Variants in HMCN1 observed in about 807,000 individuals in gnomAD.
The protein encoded by HMCN1 is hemicentin-1.
Under a neutral mutation model 625.9 loss-of-function variants are expected in HMCN1, and 321 were observed. That is an observed-to-expected ratio of 0.51 (90% CI 0.47 to 0.56). The LOEUF (loss-of-function observed/expected upper bound fraction) is 0.56. Ranked by LOEUF, HMCN1 falls within the 20% of genes least tolerant of loss-of-function variation. HMCN1 has a pLI of 0.00. For synonymous variants in HMCN1, 2,425 were observed against 2,417.6 expected (o/e 1.00, Z -0.09); for missense variants, 6,588 against 6,887.3 (o/e 0.96, Z 1.54).
chr1:185,743,259 C>A (rs1654109088), intron 1 of HMCN1, among the ~76,000 whole-genome samples: 1 of 152,264 alleles, frequency 6.6e-6, no homozygotes, highest in South Asian at 2.1e-4. Context: ...GTATTTTTAT[C>A]CTGCCTTTCA....
At chr1:186,043,355 T>C (rs1656335882) in intron 40 of HMCN1, among the ~76,000 whole-genome samples, 1 of 152,116 alleles carries the variant, frequency 6.6e-6, no homozygotes, top group African/African-American at 2.4e-5. Context: ...AAAATACATG[T>C]TTTGGTAATA....
At position 185,994,923 on chromosome 1, in the gene HMCN1, C is replaced by G. The variant is rs1302682748; in HGVS notation, c.3614C>G (p.Ser1205Cys). The change falls in exon 24 of 107, where the codon TCC (serine) becomes TGC (cysteine). Residue 1205 changes from serine to cysteine, a missense_variant. Around this residue, in one of 3 missense-constraint regions of HMCN1, gnomAD observed 4,628 missense variants for 4,853.1 expected, o/e 0.95. Coordinates refer to ENST00000271588, the MANE Select transcript of HMCN1 (RefSeq NM_031935.3). ...QGTPLPVITW[S>C]KGGSTMLVDG... ...ACTCCTCTTCCTGTAATCACCTGGT[C>G]CAAAGGTGGAAGCACTATGCTGGTT... 1.2e-6 allele frequency: 2 copies of G among 1,613,824 alleles called. No individual in the cohort carries two copies. The highest frequency in any genetic ancestry group is 1.7e-6 in the Non-Finnish European group (2 of 1,179,838).
intron 1 of HMCN1, among the ~76,000 whole-genome samples, chr1:185,806,066 A>G (rs1659151416): frequency 2.0e-5 from 3 of 149,574 alleles, no homozygotes; most frequent in African/African-American, 5.1e-5. Context: ...TACAAACTTG[A>G]TATAATAATA....
intron 33 of HMCN1, among the ~76,000 whole-genome samples, chr1:186,017,392 G>A (rs1056926759): frequency 2.6e-5 from 4 of 151,944 alleles, no homozygotes; most frequent in African/African-American, 9.7e-5. Flanking sequence ...CTTTCCTGAG[G>A]TACTGAAATG....
At chr1:186,031,834 A>G (rs1655458891) in intron 36 of HMCN1, among the ~76,000 whole-genome samples, 2 of 152,072 alleles carry the variant, frequency 1.3e-5, no homozygotes, top group African/African-American at 4.8e-5. Flanking sequence ...TGGCTTTTAA[A>G]AGTAATTTCT....
intron 54 of HMCN1, among the ~76,000 whole-genome samples, chr1:186,077,890 C>G (rs1354135852): frequency 2.6e-5 from 4 of 152,140 alleles, no homozygotes; most frequent in African/African-American, 9.7e-5. Flanking sequence ...ATGAGCTATT[C>G]ATTTCTCAGG....
intron 38 of HMCN1, 52 bp downstream of exon 38, chr1:186,039,057 GATT>G: frequency 8.4e-7 from 1 of 1,192,520 alleles, no homozygotes; most frequent in Non-Finnish European, 1.3e-6. Context: ...CATTCAAAAT[GATT>G]AAGTGCTTCT....
intron 71 of HMCN1, among the ~76,000 whole-genome samples, chr1:186,110,977 C>CTTATTTTTTTTTTTTTTTTTTTTT (rs1660847856): frequency 1.6e-5 from 1 of 61,648 alleles, no homozygotes. Context: ...AGAGAAAATT[C>CTTATTTTTTTTTTTTTTTTTTTTT]TTTTTTTTTT....
intron 66 of HMCN1, 91 bp from the exon 67 acceptor site, chr1:186,094,182 TCAC>T (rs1660001150): frequency 2.0e-6 from 2 of 990,864 alleles, no homozygotes; most frequent in Admixed American, 1.9e-5. Flanking sequence ...CCAACATAAA[TCAC>T]CACCTATAGC....
chr1:185,804,106 G>T (rs1443179035), intron 1 of HMCN1, among the ~76,000 whole-genome samples: 1 of 151,902 alleles, frequency 6.6e-6, no homozygotes, highest in African/African-American at 2.4e-5. Context: ...TTACTAGTCA[G>T]ATTTTTTTAA....
In HMCN1 at chr1:186,117,600, A is replaced by G. The variant is rs2102481615; in HGVS notation, c.11825A>G (p.Asp3942Gly). The G allele has an allele frequency of 6.2e-7, 1 of 1,613,758 alleles. No homozygotes were observed. Among genetic ancestry groups the G allele is most frequent in the East Asian group, 2.2e-5 (1 of 44,858 alleles). The change falls in exon 77 of 107, where the codon GAT becomes GGT. Residue 3942 changes from aspartate to glycine, a missense_variant. By Grantham distance (94) the Asp-to-Gly change is moderately conservative. Transcript: ENST00000271588. ...KNGIRLLPRG[D>G]GYRILSSGAI... Reference sequence around the variant, plus strand: ...GGTATAAGACTGCTTCCCAGGGGAGATGGCTATAGAATTCTGTCCTCAGGT... The same window carrying G: ...GGTATAAGACTGCTTCCCAGGGGAGGTGGCTATAGAATTCTGTCCTCAGGT...
chr1:186,079,462 C>T (rs559849162), intron 55 of HMCN1, among the ~76,000 whole-genome samples: 4 of 152,266 alleles, frequency 2.6e-5, no homozygotes, highest in Admixed American at 6.5e-5. Flanking sequence ...AGCAGTTATA[C>T]CTTCTACAGA....
intron 14 of HMCN1, 70 bp downstream of exon 14, chr1:185,965,985 T>A: frequency 2.0e-6 from 2 of 1,011,942 alleles, no homozygotes; most frequent in Non-Finnish European, 3.2e-6. Flanking sequence ...AATGATTTGT[T>A]AAAACTTTGT....
chr1:185,958,358 A>T (rs1649767974), intron 11 of HMCN1, among the ~76,000 whole-genome samples: 1 of 152,084 alleles, frequency 6.6e-6, no homozygotes, highest in Non-Finnish European at 1.5e-5. Flanking sequence ...GGTTCAAGTG[A>T]TCCTCCTGCC....
At chr1:186,146,028 A>AT in intron 93 of HMCN1, 105 bp downstream of exon 93, 21 of 1,108,810 alleles carry the variant, frequency 1.9e-5, no homozygotes, top group Non-Finnish European at 2.6e-5. Context: ...AGGTGGAATT[A>AT]GAAAAAAAAA....
chr1:185,948,621 A>G (rs1247522730), intron 11 of HMCN1, among the ~76,000 whole-genome samples: 1 of 151,782 alleles, frequency 6.6e-6, no homozygotes, highest in African/African-American at 2.4e-5. Context: ...AAGGTGGGGC[A>G]GGGCATATTC....
Position 186,117,477 on chromosome 1 carries a change from A to T in HMCN1, c.11702A>T (p.Asp3901Val). ...LTVQVPPSIADEPTDFLVTKH... is the reference protein window; with the variant it reads ...LTVQVPPSIAVEPTDFLVTKH... ...GTTTTAGTTCCACCTTCCATAGCTGATGAGCCTACAGATTTCCTAGTAACC... is the reference window on the plus strand; with the variant it reads ...GTTTTAGTTCCACCTTCCATAGCTGTTGAGCCTACAGATTTCCTAGTAACC... Residue 3901 changes from aspartate (D) to valine (V), a missense_variant, in exon 77 of 107, where the codon GAT (aspartate) becomes GTT (valine). Coordinates refer to ENST00000271588, the MANE Select transcript of HMCN1 (RefSeq NM_031935.3). 6.2e-7 allele frequency: 1 copy of T among 1,613,740 alleles called. No individual in the cohort carries two copies. Among genetic ancestry groups the T allele is most frequent in the South Asian group, 1.1e-5 (1 of 91,080 alleles).
rs141970186 is a variant in HMCN1, at chr1:185,912,825, C to T, written c.900+1045C>T. Among the ~76,000 whole-genome samples, 753 of 152,194 alleles carry T rather than the reference C, an allele frequency of 4.9e-3. 4 individuals are homozygous for T. Among genetic ancestry groups the T allele is most frequent in the African/African-American group, 0.017 (717 of 41,552 alleles). Reference sequence around the variant, plus strand: ...GCATTCCTTCCAGCTGTCAAATAAACAACTTGCTCTAGAATCTTTCTGGGA... The same window carrying T: ...GCATTCCTTCCAGCTGTCAAATAAATAACTTGCTCTAGAATCTTTCTGGGA... On this transcript the variant is annotated intron_variant, in intron 6 of 106. Transcript: ENST00000271588.
At chr1:186,038,258 A>C (rs1655969445) in intron 37 of HMCN1, among the ~76,000 whole-genome samples, 1 of 152,226 alleles carries the variant, frequency 6.6e-6, no homozygotes, top group South Asian at 2.1e-4. Flanking sequence ...GAAATATATG[A>C]ATACCTTAAT....
Sources: gnomAD v4.1 joint callset for allele counts (sites outside exome capture counted in the v4.1 genomes callset) on GRCh38, gnomAD v4.1.1 for gene constraint, gnomAD v4.1.1 regional missense constraint, MANE v1.5 for transcripts, NCBI Gene and HGNC (gene_info 2026-07-23, HGNC 2026-07-21) for gene names.